PRAG1: variants seen among roughly 807,000 people sequenced by gnomAD.
The protein encoded by PRAG1 is inactive tyrosine-protein kinase PRAG1.
A neutral mutation model predicts 95.6 loss-of-function variants in PRAG1; 110 were observed. The observed-to-expected ratio is 1.15, with a 90% CI of 0.99 to 1.35. PRAG1 has a LOEUF of 1.35. Among genes scored for constraint, PRAG1 ranks in the 40% most tolerant of loss-of-function variants. The pLI, the probability that PRAG1 is intolerant of heterozygous loss-of-function variation, is 0.00. For missense variants in PRAG1, 2,554 were observed against 1,864.7 expected (o/e 1.37, Z -6.81); for synonymous variants, 1,052 against 819.4 (o/e 1.28, Z -4.85).
chr8:8,383,612 C>T (rs577088524), intron 1 of PRAG1, among the ~76,000 whole-genome samples: 2 of 152,104 alleles, frequency 1.3e-5, no homozygotes, highest in East Asian at 1.9e-4. Flanking sequence ...AGAATAAAGC[C>T]CACTGCATCT....
chr8:8,323,029 T>G (rs976063937), intron 5 of PRAG1, among the ~76,000 whole-genome samples: 1 of 152,142 alleles, frequency 6.6e-6, no homozygotes, highest in Non-Finnish European at 1.5e-5. Flanking sequence ...ACTCTTTTCA[T>G]TAACAAACAA....
chr8:8,357,044 G>C (rs1324466302), intron 3 of PRAG1, among the ~76,000 whole-genome samples: 1 of 152,092 alleles, frequency 6.6e-6, no homozygotes, highest in Non-Finnish European at 1.5e-5. Context: ...AAATGGGTAA[G>C]AGACCTAAAC....
At chr8:8,326,402 G>A (rs1250795403) in intron 5 of PRAG1, among the ~76,000 whole-genome samples, 5 of 152,030 alleles carry the variant, frequency 3.3e-5, no homozygotes, top group Non-Finnish European at 5.9e-5. Flanking sequence ...AAAAAAAAGC[G>A]ATGTCTTAGG....
intron 4 of PRAG1, among the ~76,000 whole-genome samples, chr8:8,339,072 G>A (rs1799081210): frequency 1.3e-5 from 2 of 152,090 alleles, no homozygotes; most frequent in South Asian, 4.1e-4. Context: ...GTGTGTACAT[G>A]TGGGTACATG....
chr8:8,363,702 TTTATG>T (rs1438215631), intron 3 of PRAG1, among the ~76,000 whole-genome samples: 11 of 152,248 alleles, frequency 7.2e-5, no homozygotes, highest in African/African-American at 2.7e-4. Context: ...GATGGTGAAT[TTTATG>T]TTATATGTAA....
At chr8:8,360,142 A>C (rs751133704) in intron 3 of PRAG1, among the ~76,000 whole-genome samples, 1 of 152,162 alleles carries the variant, frequency 6.6e-6, no homozygotes, top group Non-Finnish European at 1.5e-5. Flanking sequence ...CGAAATAGAA[A>C]AGACAGAGCC....
At chr8:8,333,783 A>G (rs1421311057) in intron 4 of PRAG1, among the ~76,000 whole-genome samples, 2 of 152,194 alleles carry the variant, frequency 1.3e-5, no homozygotes, top group Non-Finnish European at 2.9e-5. Flanking sequence ...AGTCTCCCCA[A>G]ACGTTTAGCT....
Position 8,318,935 on chromosome 8 carries a change from C to G in PRAG1, c.3440G>C (p.Cys1147Ser), listed in dbSNP as rs780638472. 2 of 1,611,694 alleles carry G rather than the reference C, an allele frequency of 1.2e-6. No individual in the cohort carries two copies. The highest frequency in any genetic ancestry group is 1.7e-6 in the Non-Finnish European group (2 of 1,179,218). The change falls in exon 6 of 6, where the codon TGC becomes TCC. Residue 1147 changes from cysteine to serine, a missense_variant. By Grantham distance (112) the Cys-to-Ser change is moderately radical. Coordinates refer to ENST00000615670, the MANE Select transcript of PRAG1 (RefSeq NM_001080826.3). This position sits in a 1 kb window ranked among gnomAD's most constrained non-coding sequence, Gnocchi z 4.2. ...KEHGIIHRDL[C>S]LENLLLVHCT... Reference sequence around the variant, plus strand: ...GTGCACCAGCAGCAGGTTCTCCAGGCACAGGTCCCGGTGGATGATCCCGTG... The same window carrying G: ...GTGCACCAGCAGCAGGTTCTCCAGGGACAGGTCCCGGTGGATGATCCCGTG...
At chr8:8,361,408 C>A (rs572864211) in intron 3 of PRAG1, among the ~76,000 whole-genome samples, 2 of 152,010 alleles carry the variant, frequency 1.3e-5, no homozygotes, top group Non-Finnish European at 2.9e-5. Flanking sequence ...GGATCGGGTC[C>A]GGAAGGGGGT....
intron 3 of PRAG1, among the ~76,000 whole-genome samples, chr8:8,365,238 A>G (rs773330684): frequency 6.6e-6 from 1 of 152,192 alleles, no homozygotes; most frequent in Non-Finnish European, 1.5e-5. Flanking sequence ...ATTATGTTAC[A>G]TCACTGAATT....
chr8:8,376,922 G>A lies in PRAG1; in HGVS notation c.1487C>T (p.Ala496Val). The A allele has an allele frequency of 6.2e-7, 1 of 1,613,414 alleles. No homozygotes were observed. Among genetic ancestry groups the A allele is most frequent in the Non-Finnish European group, 8.5e-7 (1 of 1,180,028 alleles). Residue 496 changes from alanine to valine, a missense_variant, in exon 3 of 6, where the codon GCA becomes GTA. Transcript: ENST00000615670. ...RTIYLSSPDS[A>V]VGVQWPRGPV... ...CCCTCGTGGCCACTGCACCCCCACT[G>A]CAGAGTCAGGGCTGCTCAGGTAGAT...
intron 4 of PRAG1, among the ~76,000 whole-genome samples, chr8:8,331,619 A>G (rs550217543): frequency 6.6e-5 from 10 of 152,142 alleles, no homozygotes; most frequent in Non-Finnish European, 1.3e-4. Context: ...ACATTTTCCA[A>G]TCTGTGAGGA....
chr8:8,328,545 T>A, intron 4 of PRAG1, 84 bp from the exon 5 acceptor site: 1 of 1,344,924 alleles, frequency 7.4e-7, no homozygotes, highest in Non-Finnish European at 9.9e-7. Context: ...CCTTTATTTA[T>A]TTATTTATTT....
chr8:8,322,354 G>T (rs117864949), intron 5 of PRAG1, among the ~76,000 whole-genome samples: 3 of 151,876 alleles, frequency 2.0e-5, no homozygotes, highest in African/African-American at 7.3e-5. Context: ...CTAAATTTTT[G>T]TATTTTTAGT....
chr8:8,367,845 G>A (rs905544398), intron 3 of PRAG1, among the ~76,000 whole-genome samples: 1 of 152,010 alleles, frequency 6.6e-6, no homozygotes, highest in Non-Finnish European at 1.5e-5. Flanking sequence ...GTTTCACCAC[G>A]TTAGCCAGGA....
chr8:8,352,469 T>G (rs1799554170), intron 3 of PRAG1, among the ~76,000 whole-genome samples: 1 of 152,246 alleles, frequency 6.6e-6, no homozygotes, highest in Admixed American at 6.5e-5. Flanking sequence ...TCCCTGGTAA[T>G]GCTTGTACTT....
chr8:8,319,218 G>T lies in PRAG1; in HGVS notation c.3157C>A (p.His1053Asn), dbSNP rs776077534. 4.4e-6 allele frequency: 7 copies of T among 1,581,060 alleles called. No individual in the cohort carries two copies. The South Asian group carries it at 6.9e-5, about 16-fold the overall frequency. The change falls in exon 6 of 6, where the codon CAC (histidine) becomes AAC (asparagine). Residue 1053 changes from histidine to asparagine, a missense_variant. Transcript: ENST00000615670. ...VHFNIQQDCG[H>N]FVASVPSSML... ...CTGGACGGCACCGAGGCGACGAAGTGGCCGCAGTCCTGCTGGATGTTAAAG... is the reference window on the plus strand; with the variant it reads ...CTGGACGGCACCGAGGCGACGAAGTTGCCGCAGTCCTGCTGGATGTTAAAG...
intron 3 of PRAG1, among the ~76,000 whole-genome samples, chr8:8,356,860 C>T (rs934617034): frequency 4.6e-5 from 7 of 152,174 alleles, no homozygotes; most frequent in South Asian, 2.1e-4. Context: ...TAGACTAGAA[C>T]GTCCAGAAAC....
chr8:8,376,634 G>A lies in PRAG1; in HGVS notation c.1775C>T (p.Pro592Leu), dbSNP rs1343057352. The A allele has an allele frequency of 6.2e-7, 1 of 1,606,262 alleles. No homozygotes were observed. The highest frequency in any genetic ancestry group is 2.2e-5 in the East Asian group (1 of 44,774). Reference sequence around the variant, plus strand: ...CCGGCAGGAAGGAGCGGGGTCAGCAGGACCTTGGGATGGAGGCTGGGGCCC... The same window carrying A: ...CCGGCAGGAAGGAGCGGGGTCAGCAAGACCTTGGGATGGAGGCTGGGGCCC... Reference protein sequence around the residue: ...SIGPQPPSQGPADPAPSCRTN... With the variant: ...SIGPQPPSQGLADPAPSCRTN... Residue 592 changes from proline to leucine, a missense_variant, in exon 3 of 6, where the codon CCT becomes CTT. Transcript: ENST00000615670.
Sources: allele counts gnomAD v4.1 joint callset (sites outside exome capture counted in the v4.1 genomes callset), GRCh38; gene constraint gnomAD v4.1.1; non-coding constraint Gnocchi (gnomAD v3.1); transcripts MANE v1.5; gene names NCBI Gene and HGNC (gene_info 2026-07-23, HGNC 2026-07-21).